Variants in FNBP1 observed in about 807,000 individuals in gnomAD.
FNBP1 encodes the protein formin binding protein 1.
In FNBP1, 26 loss-of-function variants were observed where a neutral mutation model predicts 90.6. That is an observed-to-expected ratio of 0.29 (90% confidence interval 0.21 to 0.40). The LOEUF (loss-of-function observed/expected upper bound fraction) is 0.40. FNBP1 is among the 10% of genes least tolerant of loss of function. The probability of loss-of-function intolerance (pLI) is 1.00; values close to 1 mark genes in which losing one functional copy is unlikely to be tolerated. For synonymous variants in FNBP1, 260 were observed against 265.2 expected, an observed-to-expected ratio of 0.98 and a Z score of 0.19; for missense variants, 635 against 768.0, an observed-to-expected ratio of 0.83 and a Z score of 2.05.
intron 6 of FNBP1, among the ~76,000 whole-genome samples, chr9:129,931,484 T>C (rs904234681): frequency 7.9e-5 from 12 of 151,890 alleles, no homozygotes; most frequent in Non-Finnish European, 1.8e-4. Context: ...TGGGTGCCTG[T>C]AGTCCCAGCT....
chr9:129,893,644 C>CAA (rs1420163570), intron 16 of FNBP1, among the ~76,000 whole-genome samples: 1 of 69,058 alleles, frequency 1.4e-5, no homozygotes, highest in Non-Finnish European at 3.3e-5. Context: ...AAAAGCCAGG[C>CAA]ACGGGCTCAT....
At chr9:129,965,708 G>GCGCGCACA (rs1554821703) in intron 4 of FNBP1, among the ~76,000 whole-genome samples, 1 of 145,446 alleles carries the variant, frequency 6.9e-6, no homozygotes, top group African/African-American at 2.5e-5. Flanking sequence ...GCGCGCGCGC[G>GCGCGCACA]CACACACACA....
At chr9:129,964,596 T>TA (rs530737177) in intron 4 of FNBP1, among the ~76,000 whole-genome samples, 3,602 of 138,636 alleles carry the variant, frequency 0.026, 123 homozygotes, top group African/African-American at 0.083. Flanking sequence ...TGGCTGAGAT[T>TA]AAAAAAAAAA....
chr9:129,967,108 G>A (rs1175488151), intron 4 of FNBP1, among the ~76,000 whole-genome samples: 1 of 152,210 alleles, frequency 6.6e-6, no homozygotes, highest in Non-Finnish European at 1.5e-5. Context: ...AAAGCTCTGG[G>A]TGACTATGTG....
intron 4 of FNBP1, among the ~76,000 whole-genome samples, chr9:129,969,954 T>C (rs963769041): frequency 5.4e-5 from 8 of 149,118 alleles, no homozygotes; most frequent in African/African-American, 1.5e-4. Context: ...AGTGGCGCGA[T>C]CTCGGCTCCT....
intron 4 of FNBP1, among the ~76,000 whole-genome samples, chr9:129,976,532 A>G (rs992172769): frequency 6.6e-6 from 1 of 152,196 alleles, no homozygotes. Flanking sequence ...CTACACATTT[A>G]TAGTTTAGAA....
At chr9:130,021,755 T>C (rs1247836261) in intron 1 of FNBP1, among the ~76,000 whole-genome samples, 1 of 152,180 alleles carries the variant, frequency 6.6e-6, no homozygotes, top group Non-Finnish European at 1.5e-5. Flanking sequence ...TAAAGATCAA[T>C]TGTTTTATAC....
At chr9:130,013,226 T>C (rs1348409474) in intron 1 of FNBP1, among the ~76,000 whole-genome samples, 1 of 151,000 alleles carries the variant, frequency 6.6e-6, no homozygotes, top group African/African-American at 2.4e-5. Context: ...GCAATCCCCC[T>C]GCCTCGGCCT....
chr9:129,924,212 G>C (rs2041541704), intron 9 of FNBP1, among the ~76,000 whole-genome samples, 186 bp from the exon 10 acceptor site: 1 of 152,180 alleles, frequency 6.6e-6, no homozygotes, highest in Non-Finnish European at 1.5e-5. Flanking sequence ...AGAGTTGGGA[G>C]GTTTAGTAAG....
At chr9:129,993,917 G>A (rs763320948) in intron 2 of FNBP1, among the ~76,000 whole-genome samples, 2 of 152,196 alleles carry the variant, frequency 1.3e-5, no homozygotes, top group East Asian at 1.9e-4. Context: ...GAGCCACTGC[G>A]CCCGGCCCGA....
chr9:129,906,898 G>C (rs566162988), intron 12 of FNBP1, among the ~76,000 whole-genome samples: 2 of 152,142 alleles, frequency 1.3e-5, no homozygotes, highest in African/African-American at 4.8e-5. Flanking sequence ...TCCTGCCTCA[G>C]CCTCCCTAGT....
At chr9:130,008,135 A>C (rs11793810) in intron 1 of FNBP1, among the ~76,000 whole-genome samples, 1,545 of 151,846 alleles carry the variant, frequency 0.01, 8 homozygotes, top group Middle Eastern at 0.02. Context: ...ACTTGAGCCC[A>C]GGAGTTCGAG....
intron 11 of FNBP1, 72 bp from the exon 12 acceptor site, chr9:129,909,071 C>CTGCAG (rs780750963): frequency 1.0e-6 from 1 of 982,288 alleles, no homozygotes; most frequent in South Asian, 1.3e-5. Flanking sequence ...AAAGCAAAGC[C>CTGCAG]TGCAGCCATG....
chr9:129,887,284 CAG>C lies in FNBP1; in HGVS notation c.*3253_*3254del, dbSNP rs142020141. The stretch of plus-strand genomic sequence containing the variant: ...TCTTTATTTGGTTTAATTCCATCTC[CAG>C]AGACAAACAGGCAACTCTAGGACCT... On this transcript the variant is annotated 3_prime_UTR_variant, in exon 17 of 17. Coordinates refer to ENST00000446176, the MANE Select transcript of FNBP1 (RefSeq NM_015033.3). 1,201 of 192,648 alleles carry C rather than the reference CAG, an allele frequency of 6.2e-3. 5 individuals carry two copies. Among genetic ancestry groups the C allele is most frequent in the African/African-American group, 0.026 (1,137 of 43,112 alleles). 11.9% of individuals were successfully genotyped at this position (192,648 alleles called of 1,614,324 possible). A position where few individuals can be genotyped will look rare whatever the true frequency, so the allele number is the denominator to read the frequency against.
intron 12 of FNBP1, 84 bp from the exon 13 acceptor site, chr9:129,903,085 T>G (rs1457653125): frequency 7.5e-7 from 1 of 1,340,980 alleles, no homozygotes; most frequent in African/African-American, 1.5e-5. Flanking sequence ...CAGGCTGGAG[T>G]GCAATGGTGC....
chr9:130,003,703 C>A (rs557646155), intron 1 of FNBP1, among the ~76,000 whole-genome samples: 1 of 151,786 alleles, frequency 6.6e-6, no homozygotes, highest in East Asian at 1.9e-4. Flanking sequence ...AAGGGCAGAT[C>A]ACAGGGCCAG....
intron 6 of FNBP1, among the ~76,000 whole-genome samples, chr9:129,937,262 A>G (rs1217669242): frequency 6.6e-6 from 1 of 152,198 alleles, no homozygotes; most frequent in Non-Finnish European, 1.5e-5. Flanking sequence ...TAATGATATA[A>G]TAACAAAAGA....
In FNBP1 at chr9:130,043,117, C is replaced by T; in HGVS notation, c.-142G>A. ...CGGCCTCCTCCGGCTCGCAGCTCCT[C>T]GCCCGGGGTCTCCTCGGCGGCTCCT... is the stretch of plus-strand genomic sequence containing the variant. On this transcript the variant is annotated 5_prime_UTR_variant, in exon 1 of 17. Coordinates refer to ENST00000446176, the MANE Select transcript of FNBP1 (RefSeq NM_015033.3). 1 of 644,432 alleles carries T rather than the reference C, an allele frequency of 1.6e-6. No homozygotes were observed. Among genetic ancestry groups the T allele is most frequent in the East Asian group, 3.5e-5 (1 of 28,420 alleles). The allele number at this position is 644,432 out of a possible 1,614,324, so 39.9% of individuals were successfully genotyped here.
Position 129,890,335 on chromosome 9 carries a change from G to A in FNBP1, c.*204C>T, listed in dbSNP as rs2131140374. The A allele has an allele frequency of 5.0e-6, 3 of 600,528 alleles. No individual in the cohort carries two copies. Among genetic ancestry groups the A allele is most frequent in the Non-Finnish European group, 8.9e-6 (3 of 337,070 alleles). 37.2% of individuals were successfully genotyped at this position (600,528 alleles called of 1,614,324 possible). On this transcript the variant is annotated 3_prime_UTR_variant, in exon 17 of 17. Transcript: ENST00000446176. This position sits in a 1 kb window ranked among gnomAD's most constrained non-coding sequence, Gnocchi z 5.8. ...CCGAGCCATGGGGGTGGGCGCTGGCGAGACTTGTCCCCCACGAGGTGGCCC... is the reference window on the plus strand; with the variant it reads ...CCGAGCCATGGGGGTGGGCGCTGGCAAGACTTGTCCCCCACGAGGTGGCCC...
Sources: allele counts gnomAD v4.1 joint callset (sites outside exome capture counted in the v4.1 genomes callset), GRCh38; gene constraint gnomAD v4.1.1; non-coding constraint Gnocchi (gnomAD v3.1); transcripts MANE v1.5; gene names NCBI Gene and HGNC (gene_info 2026-07-23, HGNC 2026-07-21).